The following ZNF804B variants were observed in gnomAD, a reference collection of about 807,000 sequenced individuals.
ZNF804B encodes the protein zinc finger protein 804B.
Under a neutral mutation model 101.4 loss-of-function variants are expected in ZNF804B, and 80 were observed. That is an observed-to-expected ratio of 0.79 (90% CI 0.66 to 0.95). The LOEUF is 0.95. Ranked by LOEUF, ZNF804B falls within the 40% of genes least tolerant of loss-of-function variation. ZNF804B has a pLI of 0.00. For missense variants in ZNF804B, 1,673 were observed against 1,561.9 expected, an observed-to-expected ratio of 1.07 and a Z score of -1.20; for synonymous variants, 622 against 558.8, an observed-to-expected ratio of 1.11 and a Z score of -1.59.
chr7:88,891,199 C>T (rs189827005), intron 1 of ZNF804B, among the ~76,000 whole-genome samples: 4 of 151,932 alleles, frequency 2.6e-5, no homozygotes, highest in Admixed American at 1.3e-4. Context: ...TGATAATGAT[C>T]GTTAATTCTA....
intron 1 of ZNF804B, among the ~76,000 whole-genome samples, chr7:88,879,606 A>G (rs1225563081): frequency 6.6e-6 from 1 of 152,194 alleles, no homozygotes; most frequent in Non-Finnish European, 1.5e-5. Flanking sequence ...CCCCATGCAT[A>G]GAAGAGTTTA....
chr7:89,036,821 T>C (rs1238914854), intron 1 of ZNF804B, among the ~76,000 whole-genome samples: 2 of 152,128 alleles, frequency 1.3e-5, no homozygotes, highest in South Asian at 4.1e-4. Flanking sequence ...CCAAGCTGAA[T>C]TTTTTTGAAT....
chr7:89,220,047 A>ATATATACGCACATATATGTG lies in ZNF804B; in HGVS notation c.249+1759_249+1760insGCACATATATGTGTATATAC, dbSNP rs1562920296. ...CATATATATACGCACATATATGTGC[A>ATATATACGCACATATATGTG]TATATACATATATACGCACATATAT... On this transcript the variant is annotated intron_variant, in intron 2 of 3. Coordinates refer to ENST00000333190, the MANE Select transcript of ZNF804B (RefSeq NM_181646.5). Among the ~76,000 whole-genome samples, 6 of 38,762 alleles carry ATATATACGCACATATATGTG rather than the reference A, an allele frequency of 1.5e-4. 1 individual carries two copies. The highest frequency in any genetic ancestry group is 7.1e-4 in the African/African-American group (6 of 8,450). 25.4% of individuals were successfully genotyped at this position (38,762 alleles called of 152,430 possible).
chr7:89,081,216 T>A (rs1323618402), intron 1 of ZNF804B, among the ~76,000 whole-genome samples: 1 of 151,832 alleles, frequency 6.6e-6, no homozygotes, highest in Non-Finnish European at 1.5e-5. Context: ...TGAAACTTAT[T>A]CAGTGCCAGG....
intron 2 of ZNF804B, among the ~76,000 whole-genome samples, chr7:89,280,796 A>G (rs553511206): frequency 6.6e-6 from 1 of 152,336 alleles, no homozygotes; most frequent in Admixed American, 6.5e-5. Context: ...CCAGGACCAG[A>G]TGGATTCACA....
intron 1 of ZNF804B, among the ~76,000 whole-genome samples, chr7:88,886,424 G>A (rs1395585906): frequency 1.3e-5 from 2 of 152,000 alleles, no homozygotes; most frequent in Admixed American, 6.6e-5. Flanking sequence ...CCTATGTAAC[G>A]AACCTTCACC....
chr7:89,290,613 T>C (rs1334799189), intron 2 of ZNF804B, among the ~76,000 whole-genome samples: 1 of 152,092 alleles, frequency 6.6e-6, no homozygotes, highest in Non-Finnish European at 1.5e-5. Context: ...TGGTAGCCAT[T>C]ACACCTTTGG....
At chr7:89,281,030 T>G (rs1265454622) in intron 2 of ZNF804B, among the ~76,000 whole-genome samples, 1 of 152,336 alleles carries the variant, frequency 6.6e-6, no homozygotes, top group Non-Finnish European at 1.5e-5. Flanking sequence ...ATTCTTTCAC[T>G]TCATGATTGA....
At chr7:88,933,292 A>C (rs749334990) in intron 1 of ZNF804B, among the ~76,000 whole-genome samples, 3 of 151,906 alleles carry the variant, frequency 2.0e-5, no homozygotes, top group Non-Finnish European at 4.4e-5. Flanking sequence ...GTAGAAACTT[A>C]TCTCAAAGTA....
At chr7:89,138,343 T>C (rs562346936) in intron 1 of ZNF804B, among the ~76,000 whole-genome samples, 6 of 152,190 alleles carry the variant, frequency 3.9e-5, no homozygotes, top group African/African-American at 1.2e-4. Flanking sequence ...GACCTGGATG[T>C]GAGATACGGA....
chr7:88,773,114 T>G (rs1207890167), intron 1 of ZNF804B, among the ~76,000 whole-genome samples: 2 of 152,348 alleles, frequency 1.3e-5, no homozygotes, highest in Middle Eastern at 6.8e-3. Context: ...ATTCCACCTC[T>G]AAGTGTTGAT....
intron 1 of ZNF804B, among the ~76,000 whole-genome samples, chr7:89,045,331 G>A (rs1287492732): frequency 1.3e-5 from 2 of 152,210 alleles, no homozygotes; most frequent in African/African-American, 4.8e-5. Flanking sequence ...CAGTGTGGAG[G>A]GGAAATGTGG....
At chr7:89,148,282 T>C (rs970705645) in intron 1 of ZNF804B, among the ~76,000 whole-genome samples, 1 of 152,094 alleles carries the variant, frequency 6.6e-6, no homozygotes, top group Non-Finnish European at 1.5e-5. Flanking sequence ...ATAGTACTCT[T>C]CCAAAATTAT....
chr7:88,978,847 C>T (rs1480986378), intron 1 of ZNF804B, among the ~76,000 whole-genome samples: 1 of 132,174 alleles, frequency 7.6e-6, no homozygotes, highest in African/African-American at 2.8e-5. Flanking sequence ...TCCTTCTTTC[C>T]TTCCTTTCTT....
At chr7:88,876,647 T>C (rs79775388) in intron 1 of ZNF804B, among the ~76,000 whole-genome samples, 2,487 of 152,164 alleles carry the variant, frequency 0.016, 33 homozygotes, top group Non-Finnish European at 0.026. Context: ...AATTCTGTCT[T>C]ATATTGTTTG....
intron 1 of ZNF804B, among the ~76,000 whole-genome samples, chr7:88,872,870 T>G (rs1252499366): frequency 4.6e-5 from 7 of 151,380 alleles, no homozygotes; most frequent in African/African-American, 9.7e-5. Flanking sequence ...AGTCTATCAT[T>G]GTTGGACATT....
intron 1 of ZNF804B, among the ~76,000 whole-genome samples, chr7:89,206,709 G>A (rs773859324): frequency 3.3e-5 from 5 of 152,092 alleles, no homozygotes; most frequent in African/African-American, 7.2e-5. Flanking sequence ...CTGAGATCAC[G>A]CCATTGCACT....
At chr7:89,195,858 G>T (rs1487237903) in intron 1 of ZNF804B, among the ~76,000 whole-genome samples, 4 of 146,742 alleles carry the variant, frequency 2.7e-5, no homozygotes, top group Admixed American at 1.4e-4. Context: ...AGAAGTGAAG[G>T]ACCTCTTGAA....
rs780279371 is a variant in ZNF804B at position 89,335,502 on chromosome 7, TA to T, written c.2526del (p.Lys842AsnfsTer18). 14 of 1,613,726 alleles carry T rather than the reference TA, an allele frequency of 8.7e-6. No individual in the cohort carries two copies. In the Admixed American group the frequency reaches 1.0e-4, roughly 12 times the overall value. On this transcript the variant is annotated frameshift_variant, in exon 4 of 4. Coordinates refer to ENST00000333190, the MANE Select transcript of ZNF804B (RefSeq NM_181646.5). LOFTEE classifies it high-confidence loss of function. ...CACAGATTTCCTGTACTGGAAGCAG[TA>T]AAAAACCACCTAATTGCCAGGGAAC... ...NSQISCTGSS[K>X]KPPNCQGTQH...
Sources: gnomAD v4.1 joint callset for allele counts (sites outside exome capture counted in the v4.1 genomes callset) on GRCh38, gnomAD v4.1.1 for gene constraint, MANE v1.5 for transcripts, NCBI Gene and HGNC (gene_info 2026-07-23, HGNC 2026-07-21) for gene names.